The following CAMSAP1 variants were observed in gnomAD, a reference collection of about 807,000 sequenced individuals.
CAMSAP1 encodes the protein calmodulin regulated spectrin associated protein 1.
Under a neutral mutation model 143.5 loss-of-function variants are expected in CAMSAP1, and 58 were observed. The ratio of observed to expected loss-of-function variants is 0.40; its 90% CI spans 0.33 to 0.50. CAMSAP1 has a LOEUF of 0.50. Ranked by LOEUF, CAMSAP1 falls within the 20% of genes least tolerant of loss-of-function variation. The pLI is 0.45. For synonymous variants in CAMSAP1, 945 were observed against 859.3 expected (o/e 1.10, Z -1.74); for missense variants, 1,969 against 2,115.7 (o/e 0.93, Z 1.36).
intron 1 of CAMSAP1, among the ~76,000 whole-genome samples, chr9:135,892,089 A>ATT (rs1838306990): frequency 6.6e-6 from 1 of 152,196 alleles, no homozygotes; most frequent in African/African-American, 2.4e-5. Flanking sequence ...TTGATGCAAA[A>ATT]AAGTATATGA....
chr9:135,901,479 G>C (rs1172354887), intron 1 of CAMSAP1, among the ~76,000 whole-genome samples: 8 of 152,060 alleles, frequency 5.3e-5, no homozygotes. Flanking sequence ...GTGCAGGCCT[G>C]TGGTCCTAGC....
intron 5 of CAMSAP1, among the ~76,000 whole-genome samples, chr9:135,860,091 C>T (rs368965078): frequency 1.3e-5 from 2 of 151,474 alleles, no homozygotes; most frequent in South Asian, 2.1e-4. Context: ...CATGGTCGTA[C>T]GTGCCTGTAG....
intron 3 of CAMSAP1, among the ~76,000 whole-genome samples, chr9:135,870,559 C>G (rs1405914336): frequency 6.6e-6 from 1 of 151,954 alleles, no homozygotes; most frequent in Non-Finnish European, 1.5e-5. Flanking sequence ...TTTGGGAGCC[C>G]GAGGCAGATG....
At position 135,887,380 on chromosome 9, in the gene CAMSAP1, T is replaced by C. The variant is rs936394430; in HGVS notation, c.161-4302A>G. The stretch of plus-strand genomic sequence containing the variant: ...GCCTCGGGAAGAGCATTCTGAGAAC[T>C]GGTGAAGAGACAGCCGCAGGCACAG... On this transcript the variant is annotated intron_variant, in intron 1 of 16. Coordinates refer to ENST00000389532, the MANE Select transcript of CAMSAP1 (RefSeq NM_015447.4). Among the ~76,000 whole-genome samples the C allele has an allele frequency of 2.6e-5, 4 of 152,050 alleles. No homozygotes were observed. The South Asian group carries it at 6.2e-4, about 24-fold the overall frequency.
intron 7 of CAMSAP1, among the ~76,000 whole-genome samples, chr9:135,832,371 T>TA (rs960159962): frequency 2.0e-5 from 3 of 151,662 alleles, no homozygotes; most frequent in African/African-American, 4.8e-5. Flanking sequence ...ATTCATGATT[T>TA]AAAAAAAACA....
chr9:135,874,454 C>A (rs1167296849), intron 3 of CAMSAP1, among the ~76,000 whole-genome samples: 1 of 106,048 alleles, frequency 9.4e-6, no homozygotes, highest in African/African-American at 3.7e-5. Flanking sequence ...GCCTGGGACA[C>A]AGGGTGAGAC....
intron 3 of CAMSAP1, among the ~76,000 whole-genome samples, chr9:135,868,179 A>C (rs1837447735): frequency 6.6e-6 from 1 of 152,210 alleles, no homozygotes; most frequent in Admixed American, 6.5e-5. Flanking sequence ...TAAAAAAAAA[A>C]AATGCTAAAA....
At chr9:135,836,668 TAC>T in intron 7 of CAMSAP1, 1 of 977,652 alleles carries the variant, frequency 1.0e-6, no homozygotes, top group Non-Finnish European at 1.2e-6. Context: ...TACCCCGTTC[TAC>T]AGACACACGT....
At chr9:135,885,266 AAT>A (rs1838086484) in intron 1 of CAMSAP1, among the ~76,000 whole-genome samples, 1 of 152,002 alleles carries the variant, frequency 6.6e-6, no homozygotes, top group Non-Finnish European at 1.5e-5. Flanking sequence ...GTCATCCCCA[AAT>A]GTACATTTCT....
In CAMSAP1 at chr9:135,907,311, A is replaced by C; in HGVS notation, c.-152T>G. The C allele has an allele frequency of 3.4e-6, 1 of 297,614 alleles. No homozygotes were observed. Among genetic ancestry groups the C allele is most frequent in the Non-Finnish European group, 4.9e-6 (1 of 203,844 alleles). 18.4% of individuals were successfully genotyped at this position (297,614 alleles called of 1,614,324 possible). A position where few individuals can be genotyped will look rare whatever the true frequency, so the allele number is the denominator to read the frequency against. On this transcript the variant is annotated 5_prime_UTR_variant, in exon 1 of 17. Transcript: ENST00000389532. ...GAGCGCGGCCCCCGCCTCACCTCACAGCCGCCGCCGTCGCCGCCCCCGCGG... is the reference window on the plus strand; with the variant it reads ...GAGCGCGGCCCCCGCCTCACCTCACCGCCGCCGCCGTCGCCGCCCCCGCGG...
chr9:135,833,192 T>A (rs374438866), intron 7 of CAMSAP1, among the ~76,000 whole-genome samples: 1 of 151,788 alleles, frequency 6.6e-6, no homozygotes, highest in Admixed American at 6.6e-5. Flanking sequence ...CGCCATTCTC[T>A]TGCCTCAGCC....
At chr9:135,830,389 G>C (rs2131682191) in intron 7 of CAMSAP1, among the ~76,000 whole-genome samples, 1 of 152,300 alleles carries the variant, frequency 6.6e-6, no homozygotes, top group Non-Finnish European at 1.5e-5. Flanking sequence ...CATGCAAATG[G>C]TAACCCAAAG....
At chr9:135,815,454 T>C (rs1416135664) in intron 15 of CAMSAP1, among the ~76,000 whole-genome samples, 2 of 152,194 alleles carry the variant, frequency 1.3e-5, no homozygotes, top group South Asian at 2.1e-4. Flanking sequence ...AAATTCAGTG[T>C]CTTAACTATA....
chr9:135,835,352 A>T (rs1160674109), intron 7 of CAMSAP1, among the ~76,000 whole-genome samples: 1 of 152,164 alleles, frequency 6.6e-6, no homozygotes, highest in Non-Finnish European at 1.5e-5. Context: ...GTCTGAAGCA[A>T]CGATTGGCGG....
At chr9:135,899,024 G>GATCTACACA (rs1222383810) in intron 1 of CAMSAP1, among the ~76,000 whole-genome samples, 2 of 152,162 alleles carry the variant, frequency 1.3e-5, no homozygotes, top group East Asian at 3.8e-4. Flanking sequence ...AAGCAAAAAA[G>GATCTACACA]ATCTACACAA....
intron 3 of CAMSAP1, among the ~76,000 whole-genome samples, chr9:135,869,411 G>A (rs147546499): frequency 1.3e-5 from 2 of 151,706 alleles, no homozygotes; most frequent in East Asian, 3.9e-4. Flanking sequence ...GCTGAGGCAG[G>A]AGAATCACTT....
At chr9:135,878,881 G>C (rs900661756) in intron 3 of CAMSAP1, among the ~76,000 whole-genome samples, 5 of 152,132 alleles carry the variant, frequency 3.3e-5, no homozygotes, top group Non-Finnish European at 7.4e-5. Flanking sequence ...CAAGAAAACA[G>C]TAAAATATGG....
rs61221445 is a variant in CAMSAP1, at chr9:135,826,194, G to GCACACA, written c.1223+1207_1223+1212dup. ...CAGAGCAGCGTGTACACGGGCACCA[G>GCACACA]CACACACACACACACACACACGGCT... is the stretch of plus-strand genomic sequence containing the variant. On this transcript the variant is annotated intron_variant, in intron 8 of 16. Transcript: ENST00000389532. This position sits in a 1 kb window ranked among gnomAD's most constrained non-coding sequence, Gnocchi z 4.4. The GCACACA allele has an allele frequency of 1.8e-5, 2 of 113,566 alleles. No homozygotes were observed. Among genetic ancestry groups the GCACACA allele is most frequent in the Non-Finnish European group, 1.9e-5 (1 of 53,084 alleles). The allele number at this position is 113,566 out of a possible 1,614,324, so 7.0% of individuals were successfully genotyped here.
At chr9:135,862,083 G>A (rs1046602663) in intron 5 of CAMSAP1, among the ~76,000 whole-genome samples, 2 of 152,188 alleles carry the variant, frequency 1.3e-5, no homozygotes, top group Non-Finnish European at 2.9e-5. Context: ...CCCATTCTGA[G>A]ACATAGATAA....
Sources: allele counts gnomAD v4.1 joint callset (sites outside exome capture counted in the v4.1 genomes callset), GRCh38; gene constraint gnomAD v4.1.1; non-coding constraint Gnocchi (gnomAD v3.1); transcripts MANE v1.5; gene names NCBI Gene and HGNC (gene_info 2026-07-23, HGNC 2026-07-21).